Variants in HIVEP1 observed in about 807,000 individuals in gnomAD.
HIVEP1 encodes HIVEP zinc finger 1, also known as zinc finger protein 40.
A neutral mutation model predicts 180.0 loss-of-function variants in HIVEP1; 36 were observed. The observed-to-expected ratio is 0.20, with a 90% CI of 0.15 to 0.26. The LOEUF is 0.26. Ranked by LOEUF, HIVEP1 falls within the 10% of genes least tolerant of loss-of-function variation. HIVEP1 has a pLI of 1.00. For synonymous variants in HIVEP1, 1,239 were observed against 1,239.0 expected, an observed-to-expected ratio of 1.00 and a Z score of 0.00; for missense variants, 3,143 against 3,268.7, an observed-to-expected ratio of 0.96 and a Z score of 0.94.
rs542323245 is a variant in HIVEP1 at position 12,013,448 on chromosome 6, A to G, written c.-104+882A>G. Among the ~76,000 whole-genome samples the G allele has an allele frequency of 3.3e-5, 5 of 152,246 alleles. No homozygotes were observed. In the South Asian group the frequency reaches 1.0e-3, roughly 32 times the overall value. ...TTTGGAAATACCCACTTCCCCCCAC[A>G]AGGATTTAAATATGGGATGGACAGC... On this transcript the variant is annotated intron_variant, in intron 1 of 8. Coordinates refer to ENST00000379388, the MANE Select transcript of HIVEP1 (RefSeq NM_002114.4).
At chr6:12,165,714 C>T (rs2113703354), downstream of HIVEP1, among the ~76,000 whole-genome samples, 1 of 152,278 alleles carries the variant, frequency 6.6e-6, no homozygotes, top group East Asian at 1.9e-4. Flanking sequence ...ATCATTAAGT[C>T]AATGTATTCA....
At chr6:12,065,732 A>G (rs902655714) in intron 2 of HIVEP1, among the ~76,000 whole-genome samples, 1 of 151,750 alleles carries the variant, frequency 6.6e-6, no homozygotes, top group Non-Finnish European at 1.5e-5. Context: ...GGTTGTTACA[A>G]TATAATAACT....
the HIVEP1 span, among the ~76,000 whole-genome samples, chr6:12,175,667 C>T: frequency 1.3e-5 from 2 of 152,156 alleles, no homozygotes; most frequent in Non-Finnish European, 2.9e-5. Flanking sequence ...TGCAGAAAAA[C>T]CAGACAAGGC....
intron 2 of HIVEP1, among the ~76,000 whole-genome samples, chr6:12,050,517 C>T (rs1291452186): frequency 1.3e-5 from 2 of 151,606 alleles, no homozygotes; most frequent in South Asian, 2.1e-4. Flanking sequence ...ACCCGGGAGG[C>T]GGAGCTTGCA....
At chr6:12,079,952 C>CTATT (rs1561920167) in intron 2 of HIVEP1, among the ~76,000 whole-genome samples, 2 of 151,870 alleles carry the variant, frequency 1.3e-5, no homozygotes, top group African/African-American at 2.4e-5. Context: ...ATCTATCTAT[C>CTATT]TATCTATCTA....
chr6:12,107,391 G>A (rs1774500600), intron 3 of HIVEP1, among the ~76,000 whole-genome samples: 1 of 152,184 alleles, frequency 6.6e-6, no homozygotes, highest in Admixed American at 6.5e-5. Flanking sequence ...CTTTTTGCTG[G>A]TAGAGGGTCT....
chr6:12,015,010 C>T (rs186975698), intron 1 of HIVEP1, among the ~76,000 whole-genome samples: 12 of 152,288 alleles, frequency 7.9e-5, no homozygotes, highest in South Asian at 2.1e-4. Context: ...AAGTCTCATC[C>T]GCTCACAGGT....
At chr6:12,074,668 C>G (rs975717452) in intron 2 of HIVEP1, among the ~76,000 whole-genome samples, 70 of 121,208 alleles carry the variant, frequency 5.8e-4, no homozygotes, top group Non-Finnish European at 1.4e-3. Flanking sequence ...GTCCTTGTCT[C>G]TCTTTCTGAG....
rs1426588731 is a variant in HIVEP1, at chr6:12,163,304, C to A, written c.7000C>A (p.Pro2334Thr). The A allele has an allele frequency of 1.2e-6, 2 of 1,613,914 alleles. No homozygotes were observed. The highest frequency in any genetic ancestry group is 2.7e-5 in the African/African-American group (2 of 75,042). ...TTAGAGCCCATCATCTGTAAGACTTCCTCCTGCTGCAGCTGAGCACAGCCC... is the reference window on the plus strand; with the variant it reads ...TTAGAGCCCATCATCTGTAAGACTTACTCCTGCTGCAGCTGAGCACAGCCC... ...ITQSPSSVRL[P>T]PAAAEHSPQT... Residue 2334 changes from proline (P) to threonine (T), a missense_variant, in exon 9 of 9, where the codon CCT becomes ACT. This residue lies in a region of HIVEP1 where 595 missense variants were observed against 602.2 expected (regional missense o/e 0.99). Transcript: ENST00000379388.
intron 2 of HIVEP1, among the ~76,000 whole-genome samples, chr6:12,045,505 A>G (rs554542246): frequency 6.6e-6 from 1 of 152,374 alleles, no homozygotes; most frequent in Non-Finnish European, 1.5e-5. Context: ...CTGTGCTGCC[A>G]GCTTTAGAAT....
rs74514285 is a variant in HIVEP1 at position 12,040,158 on chromosome 6, G to A, written c.40+24490G>A. Among the ~76,000 whole-genome samples, 347 of 152,312 alleles carry A rather than the reference G, an allele frequency of 2.3e-3. 1 individual carries two copies. The highest frequency in any genetic ancestry group is 3.7e-3 in the Non-Finnish European group (254 of 68,024). ...TATGCCTGCATTTTGGAGAGGAAGG[G>A]ATCTGGGCTTTTATCAAAGTCCTGA... On this transcript the variant is annotated intron_variant, in intron 2 of 8. Transcript: ENST00000379388.
chr6:12,150,868 T>C (rs1193091043), intron 7 of HIVEP1, among the ~76,000 whole-genome samples: 1 of 152,156 alleles, frequency 6.6e-6, no homozygotes, highest in African/African-American at 2.4e-5. Context: ...TTCAGAGCAA[T>C]ATTTCTAAAC....
the HIVEP1 span, among the ~76,000 whole-genome samples, chr6:12,176,544 GT>G: frequency 3.9e-5 from 6 of 152,054 alleles, no homozygotes; most frequent in Non-Finnish European, 8.8e-5. Context: ...TCTTGGGTAT[GT>G]TTTTAGGAGC....
intron 6 of HIVEP1, among the ~76,000 whole-genome samples, chr6:12,135,345 A>G (rs1283762133): frequency 2.0e-5 from 3 of 152,232 alleles, no homozygotes; most frequent in Non-Finnish European, 4.4e-5. Context: ...TTAGGATTCC[A>G]TGGAAAACAA....
intron 3 of HIVEP1, among the ~76,000 whole-genome samples, chr6:12,097,031 T>C (rs1416598650): frequency 6.6e-6 from 1 of 152,058 alleles, no homozygotes; most frequent in Non-Finnish European, 1.5e-5. Context: ...AAGGCTAGTA[T>C]AGTATTTTTG....
chr6:12,123,774 G>T lies in HIVEP1; in HGVS notation c.3979G>T (p.Val1327Phe), dbSNP rs969050341. 1.2e-6 allele frequency: 2 copies of T among 1,614,148 alleles called. No homozygotes were observed. Among genetic ancestry groups the T allele is most frequent in the Admixed American group, 3.3e-5 (2 of 60,018 alleles). The change falls in exon 4 of 9, where the codon GTT (valine) becomes TTT (phenylalanine). Residue 1327 changes from valine to phenylalanine, a missense_variant. Physicochemically the swap from Val to Phe is conservative, Grantham distance 50. This residue lies in a region of HIVEP1 where 1,357 missense variants were observed against 1,260.5 expected (regional missense o/e 1.08). Coordinates refer to ENST00000379388, the MANE Select transcript of HIVEP1 (RefSeq NM_002114.4). ...CTCAGCCTCTTTAGACATAGAGGAC[G>T]TTTCTAAAACGGAGGCTTCCCCCAA... ...SFSASLDIED[V>F]SKTEASPKID...
chr6:12,211,250 A>G, the HIVEP1 span, among the ~76,000 whole-genome samples: 1 of 99,076 alleles, frequency 1.0e-5, no homozygotes, highest in Admixed American at 9.0e-5. Flanking sequence ...ATACAAAAAA[A>G]TTAGCCGGGC....
At position 12,104,425 on chromosome 6, in the gene HIVEP1, CTTTTTTTTTTTT is replaced by C. The variant is rs70981665; in HGVS notation, c.94+15201_94+15212del. 5.8e-3 allele frequency among the ~76,000 whole-genome samples: 423 copies of C among 72,788 alleles called. 2 individuals carry two copies. Among genetic ancestry groups the C allele is most frequent in the South Asian group, 0.014 (22 of 1,624 alleles). The allele number at this position is 72,788 out of a possible 152,430, so 47.8% of individuals were successfully genotyped here. A position where few individuals can be genotyped will look rare whatever the true frequency, so the allele number is the denominator to read the frequency against. On this transcript the variant is annotated intron_variant, in intron 3 of 8. Coordinates refer to ENST00000379388, the MANE Select transcript of HIVEP1 (RefSeq NM_002114.4). ...CTCTCTCTCTCTCTCCTTTTCTTTC[CTTTTTTTTTTTT>C]TTTTTTTTTTTTCTGAGACAGGGTC...
At chr6:12,065,690 T>TGC (rs565391522) in intron 2 of HIVEP1, among the ~76,000 whole-genome samples, 120 of 120,508 alleles carry the variant, frequency 1.0e-3, no homozygotes, top group African/African-American at 3.4e-3. Flanking sequence ...TGTGTGTGTG[T>TGC]GCGTGTGTGT....
Sources: gnomAD v4.1 joint callset for allele counts (sites outside exome capture counted in the v4.1 genomes callset) on GRCh38, gnomAD v4.1.1 for gene constraint, gnomAD v4.1.1 regional missense constraint, MANE v1.5 for transcripts, NCBI Gene and HGNC (gene_info 2026-07-23, HGNC 2026-07-21) for gene names.